Variants in ZNF667 observed in about 807,000 individuals in gnomAD.
ZNF667 encodes the protein zinc finger protein 667, also known as myocardial ischemic preconditioning upregulated 1 ortholog.
A neutral mutation model predicts 31.8 loss-of-function variants in ZNF667; 13 were observed. The observed-to-expected ratio is 0.41, with a 90% CI of 0.27 to 0.65. The LOEUF is 0.65. Among genes scored for constraint, ZNF667 ranks in the 30% least tolerant of loss-of-function variants. The pLI is 0.32. For missense variants in ZNF667, 642 were observed against 725.6 expected, an observed-to-expected ratio of 0.88 and a Z score of 1.32; for synonymous variants, 228 against 247.1, an observed-to-expected ratio of 0.92 and a Z score of 0.73.
At chr19:56,460,572 T>C in intron 5 of ZNF667, 117 bp downstream of exon 5, 1 of 1,167,466 alleles carries the variant, frequency 8.6e-7, no homozygotes, top group Non-Finnish European at 1.2e-6. Flanking sequence ...GAATTATATC[T>C]CAATAAAGCT....
At chr19:56,470,820 C>T (rs1177441103) in intron 3 of ZNF667, among the ~76,000 whole-genome samples, 1 of 152,118 alleles carries the variant, frequency 6.6e-6, no homozygotes, top group Non-Finnish European at 1.5e-5. Context: ...AGATGGGGAC[C>T]AAGAGGCCTG....
At position 56,441,090 on chromosome 19, in the gene ZNF667, C is replaced by T; in HGVS notation, c.*72G>A. 6.6e-7 allele frequency: 1 copy of T among 1,519,464 alleles called. No individual in the cohort carries two copies. The highest frequency in any genetic ancestry group is 1.3e-5 in the South Asian group (1 of 75,324). 94.1% of individuals were successfully genotyped at this position (1,519,464 alleles called of 1,614,324 possible). A position where few individuals can be genotyped will look rare whatever the true frequency, so the allele number is the denominator to read the frequency against. On this transcript the variant is annotated 3_prime_UTR_variant, in exon 7 of 7. Coordinates refer to ENST00000504904, the MANE Select transcript of ZNF667 (RefSeq NM_001321356.2). This position sits in a 1 kb window ranked among gnomAD's most constrained non-coding sequence, Gnocchi z 4.2. ...AATGGTCCCATATACACAAAATTTA[C>T]ATTATAGACAAATACATATTTGCCA...
chr19:56,473,891 A>C (rs2147851224), intron 2 of ZNF667, 121 bp downstream of exon 2: 2 of 152,360 alleles, frequency 1.3e-5, no homozygotes, highest in East Asian at 3.9e-4. Flanking sequence ...TGAAGAAAGG[A>C]ACCAGGTTAT....
intron 4 of ZNF667, among the ~76,000 whole-genome samples, chr19:56,461,711 G>A (rs948654850): frequency 6.6e-5 from 10 of 152,218 alleles, no homozygotes; most frequent in African/African-American, 1.9e-4. Context: ...AAACACATTT[G>A]TTATGGGAAA....
At chr19:56,463,745 C>T (rs1278091495) in intron 3 of ZNF667, among the ~76,000 whole-genome samples, 1 of 152,118 alleles carries the variant, frequency 6.6e-6, no homozygotes, top group African/African-American at 2.4e-5. Context: ...AGGCTGGTCT[C>T]AAACTCCTGG....
intron 6 of ZNF667, among the ~76,000 whole-genome samples, chr19:56,452,085 G>A (rs951142546): frequency 2.7e-5 from 4 of 145,704 alleles, no homozygotes; most frequent in African/African-American, 1.0e-4. Flanking sequence ...TTTCGCTCTT[G>A]TTGTCCAGGC....
rs747126295 is a variant in ZNF667, at chr19:56,441,940, T to C, written c.1055A>G (p.His352Arg). Residue 352 changes from histidine to arginine, a missense_variant, in exon 7 of 7, where the codon CAC (histidine) becomes CGC (arginine). His to Arg is a conservative substitution (Grantham distance 29). Transcript: ENST00000504904. The surrounding 1 kb of genome is among the most constrained non-coding windows in gnomAD (Gnocchi z 4.2). ...ISPLMLHQRI[H>R]TSEKPYKCDK... Reference sequence around the variant, plus strand: ...ACATTTGTACGGTTTCTCTGAAGTGTGAATTCTCTGGTGAAGCATCAGGGG... The same window carrying C: ...ACATTTGTACGGTTTCTCTGAAGTGCGAATTCTCTGGTGAAGCATCAGGGG... 1 of 1,614,036 alleles carries C rather than the reference T, an allele frequency of 6.2e-7. No individual in the cohort carries two copies. The highest frequency in any genetic ancestry group is 8.5e-7 in the Non-Finnish European group (1 of 1,180,034).
At chr19:56,447,044 C>A (rs1385446964) in intron 6 of ZNF667, among the ~76,000 whole-genome samples, 1 of 152,000 alleles carries the variant, frequency 6.6e-6, no homozygotes, top group Non-Finnish European at 1.5e-5. Flanking sequence ...AGTACAAAAT[C>A]ATTACAAACT....
rs746173155 is a variant in ZNF667, at chr19:56,455,107, C to T, written c.253+3048G>A. Reference sequence around the variant, plus strand: ...AACATCACTGATCATCAGAAAAATGCAAATCAAAACTACATGGTATCATCT... The same window carrying T: ...AACATCACTGATCATCAGAAAAATGTAAATCAAAACTACATGGTATCATCT... On this transcript the variant is annotated intron_variant, in intron 6 of 6. Coordinates refer to ENST00000504904, the MANE Select transcript of ZNF667 (RefSeq NM_001321356.2). Among the ~76,000 whole-genome samples, 5 of 152,178 alleles carry T rather than the reference C, an allele frequency of 3.3e-5. No individual in the cohort carries two copies. The South Asian group carries it at 1.0e-3, about 32-fold the overall frequency.
chr19:56,455,072 G>C (rs557787512), intron 6 of ZNF667, among the ~76,000 whole-genome samples: 5 of 152,246 alleles, frequency 3.3e-5, no homozygotes, highest in African/African-American at 1.2e-4. Flanking sequence ...AGGCATATGA[G>C]AAAGTGCTCA....
chr19:56,447,592 A>T (rs2042732330), intron 6 of ZNF667, among the ~76,000 whole-genome samples: 1 of 151,934 alleles, frequency 6.6e-6, no homozygotes, highest in Admixed American at 6.6e-5. Flanking sequence ...TGTCTCCTTA[A>T]AAAAAAACAA....
chr19:56,453,745 C>A (rs891424873), intron 6 of ZNF667, among the ~76,000 whole-genome samples: 1 of 151,940 alleles, frequency 6.6e-6, no homozygotes, highest in African/African-American at 2.4e-5. Flanking sequence ...GGAAAAAAAA[C>A]CTGAAAGCCT....
chr19:56,442,060 G>C lies in ZNF667; in HGVS notation c.935C>G (p.Ala312Gly). 11 of 1,613,992 alleles carry C rather than the reference G, an allele frequency of 6.8e-6. No homozygotes were observed. The highest frequency in any genetic ancestry group is 9.3e-6 in the Non-Finnish European group (11 of 1,179,998). Residue 312 changes from alanine to glycine, a missense_variant, in exon 7 of 7, where the codon GCG becomes GGG. Coordinates refer to ENST00000504904, the MANE Select transcript of ZNF667 (RefSeq NM_001321356.2). ...CTGTAGACTCTGACTTAAGGCCTTC[G>C]CATTTTCAGGGATTTTCTCTCCAGC... ...IHAGEKIPEN[A>G]KALSQSLQQR...
chr19:56,442,604 G>A lies in ZNF667; in HGVS notation c.391C>T (p.Leu131=), dbSNP rs759404076. 4 of 1,613,894 alleles carry A rather than the reference G, an allele frequency of 2.5e-6. No individual in the cohort carries two copies. The highest frequency in any genetic ancestry group is 3.4e-6 in the Non-Finnish European group (4 of 1,179,980). The change falls in exon 7 of 7, where the codon CTA becomes TTA. Residue 131 remains leucine (L), a synonymous_variant. Transcript: ENST00000504904. ...GAATGCCCTTTCTTAGGTTTTACTA[G>A]GACTGAATTTTTGTTGCAGCCACTC... ...RKSGCNKNSV[L]VKPKKGHSGK...
intron 5 of ZNF667, among the ~76,000 whole-genome samples, chr19:56,458,605 A>T (rs1029575066): frequency 1.3e-5 from 2 of 152,040 alleles, no homozygotes; most frequent in Non-Finnish European, 2.9e-5. Flanking sequence ...ACCTCTGGGG[A>T]GGGGTCAGAG....
In ZNF667 at chr19:56,441,252, T is replaced by C. The variant is rs764445032; in HGVS notation, c.1743A>G (p.Lys581=). ...IRHQRSHSSE[K]PYECSKCGKA... ...TCCCACATTTACTACATTCATAGGG[T>C]TTCTCTGAAGAATGACTTCTCTGAT... Residue 581 remains lysine (K), a synonymous_variant, in exon 7 of 7, where the codon AAA becomes AAG. Coordinates refer to ENST00000504904, the MANE Select transcript of ZNF667 (RefSeq NM_001321356.2). The surrounding 1 kb of genome is among the most constrained non-coding windows in gnomAD (Gnocchi z 4.2). The C allele has an allele frequency of 6.2e-7, 1 of 1,614,100 alleles. No homozygotes were observed. The highest frequency in any genetic ancestry group is 1.7e-5 in the Admixed American group (1 of 60,018).
chr19:56,451,338 G>T (rs1225084817), intron 6 of ZNF667, among the ~76,000 whole-genome samples: 1 of 151,396 alleles, frequency 6.6e-6, no homozygotes, highest in Non-Finnish European at 1.5e-5. Context: ...AATATTTTCA[G>T]AGCTAAAGAG....
intron 1 of ZNF667, among the ~76,000 whole-genome samples, chr19:56,476,139 G>A (rs1003672374): frequency 6.6e-6 from 1 of 152,152 alleles, no homozygotes; most frequent in African/African-American, 2.4e-5. Context: ...ACTTAAGTAA[G>A]CTCTCTCAGT....
intron 3 of ZNF667, chr19:56,467,107 G>A (rs1447689293): frequency 4.4e-6 from 2 of 454,906 alleles, no homozygotes; most frequent in Admixed American, 4.7e-5. Context: ...GTGAGCCATG[G>A]TCCAGGAGGG....
Sources: gnomAD v4.1 joint callset for allele counts (sites outside exome capture counted in the v4.1 genomes callset) on GRCh38, gnomAD v4.1.1 for gene constraint, Gnocchi (gnomAD v3.1) non-coding constraint, MANE v1.5 for transcripts, NCBI Gene and HGNC (gene_info 2026-07-23, HGNC 2026-07-21) for gene names.